Variants in PRICKLE4 observed in about 807,000 individuals in gnomAD.
PRICKLE4 encodes the protein prickle-like protein 4.
In PRICKLE4, 40 loss-of-function variants were observed where a neutral mutation model predicts 43.5. The ratio of observed to expected loss-of-function variants is 0.92; its 90% CI spans 0.71 to 1.20. The LOEUF is 1.20. Ranked by LOEUF, PRICKLE4 falls within the 50% of genes most tolerant of loss-of-function variation. The pLI, the probability that PRICKLE4 is intolerant of heterozygous loss-of-function variation, is 0.00. For synonymous variants in PRICKLE4, 208 were observed against 197.4 expected, an observed-to-expected ratio of 1.05 and a Z score of -0.45; for missense variants, 527 against 491.2, an observed-to-expected ratio of 1.07 and a Z score of -0.69.
In PRICKLE4 at chr6:41,782,899, G is replaced by A. The variant is rs182231062; in HGVS notation, c.-12-563G>A. ...AGAAAAACATTAGGTGCTAAATCTT[G>A]GGGCACTGCTTGCTTCAGGAGCTCA... is the stretch of plus-strand genomic sequence containing the variant. On this transcript the variant is annotated intron_variant, in intron 2 of 7. Transcript: ENST00000458694. 2.0e-5 allele frequency among the ~76,000 whole-genome samples: 3 copies of A among 152,302 alleles called. No individual in the cohort carries two copies. The East Asian group carries it at 5.8e-4, about 29-fold the overall frequency.
chr6:41,786,698 T>C (rs754572966), intron 7 of PRICKLE4, 64 bp from the exon 8 acceptor site: 2 of 1,608,128 alleles, frequency 1.2e-6, no homozygotes, highest in South Asian at 1.1e-5. Context: ...TCACCCCCAC[T>C]AGCTGCGGTG....
At position 41,786,591 on chromosome 6, in the gene PRICKLE4, G is replaced by A. The variant is rs758324536; in HGVS notation, c.788-171G>A. On this transcript the variant is annotated intron_variant, in intron 7 of 7. Transcript: ENST00000458694. Reference sequence around the variant, plus strand: ...GACTCCCTCCCAGGCGCGGGAGGCGGACGCCCTCTGGTGGAGGCGGGGGAC... The same window carrying A: ...GACTCCCTCCCAGGCGCGGGAGGCGAACGCCCTCTGGTGGAGGCGGGGGAC... 11 of 1,210,114 alleles carry A rather than the reference G, an allele frequency of 9.1e-6. No individual in the cohort carries two copies. The South Asian group carries it at 1.5e-4, about 17-fold the overall frequency. 75.0% of individuals were successfully genotyped at this position (1,210,114 alleles called of 1,614,324 possible). A position where few individuals can be genotyped will look rare whatever the true frequency, so the allele number is the denominator to read the frequency against.
Position 41,786,140 on chromosome 6 carries a change from T to C in PRICKLE4, c.595T>C (p.Trp199Arg), listed in dbSNP as rs747070595. 3 of 1,613,542 alleles carry C rather than the reference T, an allele frequency of 1.9e-6. No homozygotes were observed. In the South Asian group the frequency reaches 3.3e-5, roughly 18 times the overall value. ...CTCCCTCTCCCAGCTGATCTTCTCC[T>C]GGCGCTGCACCGAGGCGGAGGGACA... ...CPACDQLIFS[W>R]RCTEAEGQRW... is the part of the protein sequence containing the mutation. Residue 199 changes from tryptophan (W) to arginine (R), a missense_variant, in exon 7 of 8, where the codon TGG becomes CGG. Coordinates refer to ENST00000458694, the MANE Select transcript of PRICKLE4 (RefSeq NM_013397.6).
In PRICKLE4 at chr6:41,786,178, G is replaced by A. The variant is rs760333739; in HGVS notation, c.633G>A (p.Glu211=). Residue 211 remains glutamate (E), a synonymous_variant, in exon 7 of 8, where the codon GAG becomes GAA. Transcript: ENST00000458694. The stretch of plus-strand genomic sequence containing the variant: ...AGGCGGAGGGACAGCGCTGGCATGA[G>A]AACCACTTCTGTTGCCAGGACTGCG... ...CTEAEGQRWH[E]NHFCCQDCAG... is the part of the protein sequence containing the mutation. 2 of 1,613,246 alleles carry A rather than the reference G, an allele frequency of 1.2e-6. No homozygotes were observed. The highest frequency in any genetic ancestry group is 2.2e-5 in the South Asian group (2 of 90,980).
In PRICKLE4 at chr6:41,786,245, A is replaced by AGCCCCTGCT. The variant is rs1423769918; in HGVS notation, c.706_714dup (p.Cys236_Pro238dup). The AGCCCCTGCT allele has an allele frequency of 1.4e-5, 23 of 1,602,110 alleles. No homozygotes were observed. The highest frequency in any genetic ancestry group is 1.9e-5 in the Non-Finnish European group (22 of 1,171,130). ...GGGACGTTATGCCCTGCCTGGGGGAAGCCCCTGCTGCCCCAGCTGCTTCGA... is the reference window on the plus strand; with the variant it reads ...GGGACGTTATGCCCTGCCTGGGGGAAGCCCCTGCTGCCCCTGCTGCCCCAGCTGCTTCGA... On this transcript the variant is annotated inframe_insertion, in exon 7 of 8. Coordinates refer to ENST00000458694, the MANE Select transcript of PRICKLE4 (RefSeq NM_013397.6).
In PRICKLE4 at chr6:41,786,794, G is replaced by A. The variant is rs749419586; in HGVS notation, c.820G>A (p.Asp274Asn). 1.1e-5 allele frequency: 17 copies of A among 1,610,916 alleles called. No homozygotes were observed. The Middle Eastern group carries it at 5.0e-4, about 47-fold the overall frequency. ...TGGACTCGACCGAACTGAAGGAAGGGACCAAACCTCGGTGAACTCTGCAAC... is the reference window on the plus strand; with the variant it reads ...TGGACTCGACCGAACTGAAGGAAGGAACCAAACCTCGGTGAACTCTGCAAC... The part of the protein sequence containing the change: ...ETGLDRTEGR[D>N]QTSVNSATLS... Residue 274 changes from aspartate to asparagine, a missense_variant, in exon 8 of 8, where the codon GAC becomes AAC. Asp to Asn is a conservative substitution (Grantham distance 23). Transcript: ENST00000458694.
In PRICKLE4 at chr6:41,784,158, C is replaced by T. The variant is rs1461704774; in HGVS notation, c.160C>T (p.Leu54Phe). The T allele has an allele frequency of 8.7e-6, 14 of 1,613,988 alleles. No individual in the cohort carries two copies. Among genetic ancestry groups the T allele is most frequent in the African/African-American group, 1.3e-5 (1 of 74,932 alleles). ...TCCTGCAGTTCTGAGCTTGGGTTCC[C>T]TTTGCCTGGACACCAACCAAGCCCC... ...QGPAVLSLGS[L>F]CLDTNQAPNW... Residue 54 changes from leucine to phenylalanine, a missense_variant, in exon 4 of 8, where the codon CTT becomes TTT. Transcript: ENST00000458694.
intron 2 of PRICKLE4, among the ~76,000 whole-genome samples, chr6:41,782,452 C>A (rs543556387): frequency 7.3e-6 from 1 of 136,848 alleles, no homozygotes; most frequent in Non-Finnish European, 1.5e-5. Flanking sequence ...TGCAGTGGCG[C>A]GATCTTGGCT....
chr6:41,786,573 TC>T, intron 7 of PRICKLE4, 188 bp from the exon 8 acceptor site: 2 of 1,123,004 alleles, frequency 1.8e-6, no homozygotes, highest in Non-Finnish European at 2.5e-6. Context: ...CCAGACTCCC[TC>T]CCAGGCGCGG....
In PRICKLE4 at chr6:41,787,447, G is replaced by A; in HGVS notation, c.*318G>A. The A allele has an allele frequency of 1.6e-6, 1 of 620,728 alleles. No individual in the cohort carries two copies. The highest frequency in any genetic ancestry group is 2.7e-6 in the Non-Finnish European group (1 of 364,250). 38.5% of individuals were successfully genotyped at this position (620,728 alleles called of 1,614,324 possible). A position where few individuals can be genotyped will look rare whatever the true frequency, so the allele number is the denominator to read the frequency against. Reference sequence around the variant, plus strand: ...CAAGCCAATTAAATGATCACAGCACGCGTGACAGTTACCGGCTGGAGAGCC... The same window carrying A: ...CAAGCCAATTAAATGATCACAGCACACGTGACAGTTACCGGCTGGAGAGCC... On this transcript the variant is annotated 3_prime_UTR_variant, in exon 8 of 8. Transcript: ENST00000458694.
At chr6:41,783,661 G>A (rs1374575924) in intron 3 of PRICKLE4, 56 bp downstream of exon 3, 2 of 1,613,458 alleles carry the variant, frequency 1.2e-6, no homozygotes, top group South Asian at 1.1e-5. Context: ...CTGTGGAGTG[G>A]CCACCCTTTT....
At position 41,786,932 on chromosome 6, in the gene PRICKLE4, C is replaced by A. The variant is rs929123901; in HGVS notation, c.958C>A (p.Pro320Thr). ...ENRPGDKAEA[P>T]KGQEQCRLET... ...CCGACCTGGGGACAAAGCGGAGGCA[C>A]CCAAAGGGCAGGAGCAATGCCGCCT... Residue 320 changes from proline (P) to threonine (T), a missense_variant, in exon 8 of 8, where the codon CCC (proline) becomes ACC (threonine). By Grantham distance (38) the Pro-to-Thr change is conservative. Transcript: ENST00000458694. The A allele has an allele frequency of 1.4e-5, 22 of 1,613,792 alleles. No individual in the cohort carries two copies. Among genetic ancestry groups the A allele is most frequent in the Non-Finnish European group, 1.9e-5 (22 of 1,179,892 alleles).
At chr6:41,786,657 C>G (rs775640256) in intron 7 of PRICKLE4, 105 bp from the exon 8 acceptor site, 2 of 1,568,124 alleles carry the variant, frequency 1.3e-6, no homozygotes, top group Non-Finnish European at 1.7e-6. Context: ...CGCGCACGGC[C>G]CAGGGGCTGG....
At position 41,787,275 on chromosome 6, in the gene PRICKLE4, C is replaced by A; in HGVS notation, c.*146C>A. 2.5e-6 allele frequency: 3 copies of A among 1,201,992 alleles called. No individual in the cohort carries two copies. The highest frequency in any genetic ancestry group is 3.4e-6 in the Non-Finnish European group (3 of 886,676). The allele number at this position is 1,201,992 out of a possible 1,614,324, so 74.5% of individuals were successfully genotyped here. On this transcript the variant is annotated 3_prime_UTR_variant, in exon 8 of 8. Coordinates refer to ENST00000458694, the MANE Select transcript of PRICKLE4 (RefSeq NM_013397.6). Reference sequence around the variant, plus strand: ...GCGGCGAGGTGACAAGTTTGGAGTGCGCCCCCTTCAGTACTGCGCGTTCTA... The same window carrying A: ...GCGGCGAGGTGACAAGTTTGGAGTGAGCCCCCTTCAGTACTGCGCGTTCTA...
In PRICKLE4 at chr6:41,784,116, T is replaced by C; in HGVS notation, c.133-15T>C. ...AACCTAGTTTCACTCCTCCCCTTCTTCCATGTCTCCTCAGGGTCCTGCAGT... is the reference window on the plus strand; with the variant it reads ...AACCTAGTTTCACTCCTCCCCTTCTCCCATGTCTCCTCAGGGTCCTGCAGT... On this transcript the variant is annotated splice_polypyrimidine_tract_variant and intron_variant, in intron 3 of 7. Transcript: ENST00000458694. The C allele has an allele frequency of 1.9e-6, 3 of 1,584,894 alleles. No homozygotes were observed. The highest frequency in any genetic ancestry group is 2.6e-6 in the Non-Finnish European group (3 of 1,162,536).
At chr6:41,783,677 A>G (rs1772589044) in intron 3 of PRICKLE4, 72 bp downstream of exon 3, 2 of 1,608,456 alleles carry the variant, frequency 1.2e-6, no homozygotes, top group East Asian at 4.5e-5. Context: ...CTTTTCCACC[A>G]ACCCGGAGGT....
intron 7 of PRICKLE4, 161 bp downstream of exon 7, chr6:41,786,493 C>A: frequency 2.8e-6 from 3 of 1,054,780 alleles, no homozygotes; most frequent in Non-Finnish European, 4.2e-6. Flanking sequence ...CAGCTCTCAC[C>A]GCGCATCCCT....
rs770630729 is a variant in PRICKLE4 at position 41,784,125 on chromosome 6, C to T, written c.133-6C>T. On this transcript the variant is annotated splice_region_variant and splice_polypyrimidine_tract_variant and intron_variant, in intron 3 of 7. Transcript: ENST00000458694. ...TCACTCCTCCCCTTCTTCCATGTCTCCTCAGGGTCCTGCAGTTCTGAGCTT... is the reference window on the plus strand; with the variant it reads ...TCACTCCTCCCCTTCTTCCATGTCTTCTCAGGGTCCTGCAGTTCTGAGCTT... 3.7e-6 allele frequency: 6 copies of T among 1,606,126 alleles called. No individual in the cohort carries two copies. The East Asian group carries it at 6.7e-5, about 18-fold the overall frequency.
Position 41,785,004 on chromosome 6 carries a change from C to G in PRICKLE4, c.310C>G (p.Gln104Glu), listed in dbSNP as rs984424627. 1 of 1,613,672 alleles carries G rather than the reference C, an allele frequency of 6.2e-7. No individual in the cohort carries two copies. Among genetic ancestry groups the G allele is most frequent in the Admixed American group, 1.7e-5 (1 of 59,836 alleles). ...GCAGCTCTTCTGTGCCAGGCGGAAG[C>G]AGGAAGCCCTGGGACAGGGGGTAGC... ...ELQLFCARRKQEALGQGVARL... is the reference protein window; with the variant it reads ...ELQLFCARRKEEALGQGVARL... Residue 104 changes from glutamine to glutamate, a missense_variant, in exon 5 of 8, where the codon CAG (glutamine) becomes GAG (glutamate). Coordinates refer to ENST00000458694, the MANE Select transcript of PRICKLE4 (RefSeq NM_013397.6).
Sources: gnomAD v4.1 joint callset for allele counts (sites outside exome capture counted in the v4.1 genomes callset) on GRCh38, gnomAD v4.1.1 for gene constraint, MANE v1.5 for transcripts, NCBI Gene and HGNC (gene_info 2026-07-23, HGNC 2026-07-21) for gene names.